The following CES5A variants were observed in gnomAD, a reference collection of about 807,000 sequenced individuals.
The protein encoded by CES5A is carboxylesterase 5.
CES5A carries 67 observed loss-of-function variants against 62.9 expected under a neutral mutation model. That is an observed-to-expected ratio of 1.07 (90% CI 0.88 to 1.31). CES5A has a LOEUF of 1.31. Ranked by LOEUF, CES5A falls within the 50% of genes most tolerant of loss-of-function variation. The pLI, the probability that CES5A is intolerant of heterozygous loss-of-function variation, is 0.00. For synonymous variants in CES5A, 296 were observed against 280.8 expected (o/e 1.05, Z -0.54); for missense variants, 748 against 708.5 (o/e 1.06, Z -0.63).
intron 2 of CES5A, among the ~76,000 whole-genome samples, chr16:55,935,327 C>T (rs1248175215): frequency 6.6e-6 from 1 of 152,218 alleles, no homozygotes; most frequent in East Asian, 1.9e-4. Flanking sequence ...TTCTTCTTAT[C>T]TGTGGGAGAG....
At chr16:55,904,390 G>T (rs2034018980) in intron 1 of CES5A, among the ~76,000 whole-genome samples, 1 of 152,182 alleles carries the variant, frequency 6.6e-6, no homozygotes, top group Non-Finnish European at 1.5e-5. Flanking sequence ...TGTAGAAATA[G>T]CCAGGATTTG....
At chr16:55,874,119 G>A (rs754220155) in intron 1 of CES5A, 82 bp from the exon 2 acceptor site, 3 of 1,248,330 alleles carry the variant, frequency 2.4e-6, no homozygotes, top group Non-Finnish European at 3.4e-6. Context: ...CTCCCCAGTG[G>A]GGATGTGCTT....
At chr16:55,934,145 G>A (rs1232140728) in intron 2 of CES5A, among the ~76,000 whole-genome samples, 1 of 152,144 alleles carries the variant, frequency 6.6e-6, no homozygotes, top group Non-Finnish European at 1.5e-5. Flanking sequence ...CAACCTCAAT[G>A]TGTTTAATCC....
In CES5A at chr16:55,865,950, G is replaced by A; in HGVS notation, c.705+13C>T. On this transcript the variant is annotated intron_variant, in intron 5 of 12. Transcript: ENST00000290567. The stretch of plus-strand genomic sequence containing the variant: ...CACTGAGATTCATTCAAACCACAAA[G>A]CAGAGAACTCACAAGACTAGAAACA... 3 of 1,614,090 alleles carry A rather than the reference G, an allele frequency of 1.9e-6. No individual in the cohort carries two copies. The African/African-American group carries it at 4.0e-5, about 22-fold the overall frequency.
upstream of CES5A, among the ~76,000 whole-genome samples, chr16:55,928,827 C>G (rs1019756869): frequency 1.4e-4 from 22 of 152,132 alleles, 1 homozygote; most frequent in South Asian, 3.9e-3. Flanking sequence ...TTCCCCCATC[C>G]CCTGCTGTCC....
chr16:55,856,491 G>T, intron 8 of CES5A, 46 bp from the exon 9 acceptor site: 1 of 1,581,452 alleles, frequency 6.3e-7, no homozygotes, highest in Non-Finnish European at 8.7e-7. Flanking sequence ...GTCATGAGAA[G>T]GTAAACCCAT....
intron 2 of CES5A, among the ~76,000 whole-genome samples, chr16:55,935,150 C>T (rs530405839): frequency 2.6e-5 from 4 of 152,244 alleles, no homozygotes; most frequent in African/African-American, 9.6e-5. Flanking sequence ...ACAGTGTTGG[C>T]CAGGCTGCTG....
rs76736415 is a variant in CES5A at position 55,941,966 on chromosome 16, G to A, written c.160+7819C>T. On this transcript the variant is annotated intron_variant, in intron 2 of 13. Transcript: ENST00000521992. ...TAATTGAAAAATAAACTTCCAAGGCGTTAAGTCAGTTCACTGGCGAAAAGA... is the reference window on the plus strand; with the variant it reads ...TAATTGAAAAATAAACTTCCAAGGCATTAAGTCAGTTCACTGGCGAAAAGA... Among the ~76,000 whole-genome samples, 261 of 152,126 alleles carry A rather than the reference G, an allele frequency of 1.7e-3. 1 individual carries two copies. Among genetic ancestry groups the A allele is most frequent in the East Asian group, 9.8e-3 (51 of 5,184 alleles).
chr16:55,847,598 G>A (rs1016982717), intron 11 of CES5A, among the ~76,000 whole-genome samples: 5 of 151,996 alleles, frequency 3.3e-5, no homozygotes, highest in Admixed American at 6.6e-5. Flanking sequence ...GGGTATAAGC[G>A]GACACCTTTC....
intron 4 of CES5A, 59 bp from the exon 5 acceptor site, chr16:55,866,175 C>T (rs2033456919): frequency 1.9e-6 from 3 of 1,538,898 alleles, no homozygotes; most frequent in Admixed American, 3.8e-5. Context: ...TCCCACAGCC[C>T]TGGAAGTTCT....
At chr16:55,923,993 T>G (rs1028184158) in intron 1 of CES5A, among the ~76,000 whole-genome samples, 4 of 151,920 alleles carry the variant, frequency 2.6e-5, no homozygotes, top group African/African-American at 7.2e-5. Flanking sequence ...GCCTTTTCCC[T>G]AAGATCTGGA....
At chr16:55,853,057 C>G in intron 9 of CES5A, 29 bp from the exon 10 acceptor site, 2 of 1,611,502 alleles carry the variant, frequency 1.2e-6, no homozygotes, top group Non-Finnish European at 1.7e-6. Context: ...CCTAGGAGAT[C>G]CAGGTCAACC....
chr16:55,856,239 T>G (rs1252655220), intron 9 of CES5A, 138 bp downstream of exon 9: 20 of 736,102 alleles, frequency 2.7e-5, no homozygotes, highest in Non-Finnish European at 4.3e-5. Flanking sequence ...CTAATACACC[T>G]ATGCTTAGTA....
chr16:55,901,880 T>C (rs1369597861), intron 1 of CES5A, among the ~76,000 whole-genome samples: 1 of 152,184 alleles, frequency 6.6e-6, no homozygotes, highest in Non-Finnish European at 1.5e-5. Flanking sequence ...TACAATTACA[T>C]TGCAGCTGTG....
chr16:55,938,323 C>G lies in CES5A; in HGVS notation c.160+11462G>C, dbSNP rs1424088725. 2.6e-5 allele frequency among the ~76,000 whole-genome samples: 4 copies of G among 152,150 alleles called. No homozygotes were observed. In the South Asian group the frequency reaches 8.3e-4, roughly 32 times the overall value. On this transcript the variant is annotated intron_variant, in intron 2 of 13. Transcript: ENST00000521992. ...AGACCCAGCTTCTCTGCCCATTTTTCATGCTGAGATTCTCTAAGGACAACC... is the reference window on the plus strand; with the variant it reads ...AGACCCAGCTTCTCTGCCCATTTTTGATGCTGAGATTCTCTAAGGACAACC...
intron 1 of CES5A, among the ~76,000 whole-genome samples, chr16:55,897,063 C>T (rs12918787): frequency 0.067 from 10,148 of 151,860 alleles, 456 homozygotes; most frequent in Non-Finnish European, 0.1. Flanking sequence ...TCCCCGCATC[C>T]CCCCCATCCT....
intron 1 of CES5A, 52 bp downstream of exon 1, chr16:55,875,097 T>C (rs1201774953): frequency 1.3e-6 from 2 of 1,560,458 alleles, no homozygotes; most frequent in Non-Finnish European, 1.8e-6. Context: ...CAGTGGAAAA[T>C]CCTCACCCAC....
intron 2 of CES5A, among the ~76,000 whole-genome samples, chr16:55,937,065 A>C (rs2034384601): frequency 6.6e-6 from 1 of 152,174 alleles, no homozygotes; most frequent in Admixed American, 6.5e-5. Context: ...GACAAATACC[A>C]CAAGAAAAGA....
intron 5 of CES5A, 48 bp downstream of exon 5, chr16:55,865,915 G>T (rs1474231606): frequency 6.2e-7 from 1 of 1,608,128 alleles, no homozygotes. Flanking sequence ...ATCATTTTTG[G>T]AACCTCCGGC....
Sources: gnomAD v4.1 joint callset for allele counts (sites outside exome capture counted in the v4.1 genomes callset) on GRCh38, gnomAD v4.1.1 for gene constraint, MANE v1.5 for transcripts, NCBI Gene and HGNC (gene_info 2026-07-23, HGNC 2026-07-21) for gene names.